CELSR3: variants seen among roughly 807,000 people sequenced by gnomAD.
The protein encoded by CELSR3 is cadherin EGF LAG seven-pass G-type receptor 3.
A neutral mutation model predicts 270.0 loss-of-function variants in CELSR3; 73 were observed. The observed-to-expected ratio is 0.27, with a 90% confidence interval of 0.22 to 0.33. The LOEUF (loss-of-function observed/expected upper bound fraction) is 0.33, where lower values mean the gene tolerates loss of function less well. Ranked by LOEUF, CELSR3 falls within the 10% of genes least tolerant of loss-of-function variation. The pLI, the probability that CELSR3 is intolerant of heterozygous loss-of-function variation, is 1.00. For missense variants in CELSR3, 3,614 were observed against 4,533.8 expected (o/e 0.80, Z 5.83); for synonymous variants, 1,780 against 1,905.4 (o/e 0.93, Z 1.71).
chr3:48,659,577 G>A lies in CELSR3; in HGVS notation c.3058C>T (p.Arg1020Cys), dbSNP rs369332360. The stretch of plus-strand genomic sequence containing the variant: ...TCCCGGTCTAGCCGCCTTACTGTAC[G>A]GACAATTCCAGAGGTGGGCTCAATG... ...FTIEPTSGIV[R>C]TVRRLDREAV... is the part of the protein sequence containing the mutation. The change falls in exon 1 of 35, where the codon CGT (arginine) becomes TGT (cysteine). Residue 1020 changes from arginine (R) to cysteine (C), a missense_variant. This residue lies in a region of CELSR3 where 1,331 missense variants were observed against 1,933.7 expected (regional missense o/e 0.69). Transcript: ENST00000164024. This position sits in a 1 kb window ranked among gnomAD's most constrained non-coding sequence, Gnocchi z 8.1. 6.2e-6 allele frequency: 10 copies of A among 1,614,026 alleles called. No homozygotes were observed. Among genetic ancestry groups the A allele is most frequent in the Admixed American group, 3.3e-5 (2 of 60,010 alleles).
In CELSR3 at chr3:48,654,543, G is replaced by GGACCCAT; in HGVS notation, c.4989-92_4989-91insATGGGTC. On this transcript the variant is annotated intron_variant, in intron 6 of 34. Transcript: ENST00000164024. The surrounding 1 kb of genome is among the most constrained non-coding windows in gnomAD (Gnocchi z 5.4). The stretch of plus-strand genomic sequence containing the variant: ...ACAGGAAGCAGGGGGGTAGGACCCA[G>GGACCCAT]AGGGTAGGGTGATTGAGGGAGGAAA... The GGACCCAT allele has an allele frequency of 3.6e-6, 4 of 1,115,750 alleles. No individual in the cohort carries two copies. The South Asian group carries it at 4.7e-5, about 13-fold the overall frequency. The allele number at this position is 1,115,750 out of a possible 1,614,324, so 69.1% of individuals were successfully genotyped here. A position where few individuals can be genotyped will look rare whatever the true frequency, so the allele number is the denominator to read the frequency against.
Position 48,637,974 on chromosome 3 carries a change from A to G in CELSR3, c.*231T>C. On this transcript the variant is annotated 3_prime_UTR_variant, in exon 35 of 35. Coordinates refer to ENST00000164024, the MANE Select transcript of CELSR3 (RefSeq NM_001407.3). ...ATAACATAAGCATCTCTCTGGTTAC[A>G]AAGGTACAAAACGTATAAAAGTCTC... is the stretch of plus-strand genomic sequence containing the variant. The G allele has an allele frequency of 2.0e-6, 1 of 489,862 alleles. No homozygotes were observed. Among genetic ancestry groups the G allele is most frequent in the Non-Finnish European group, 3.7e-6 (1 of 270,524 alleles). 30.3% of individuals were successfully genotyped at this position (489,862 alleles called of 1,614,324 possible). A position where few individuals can be genotyped will look rare whatever the true frequency, so the allele number is the denominator to read the frequency against.
In CELSR3 at chr3:48,640,115, G is replaced by T. The variant is rs776786576; in HGVS notation, c.9470C>A (p.Pro3157His). The T allele has an allele frequency of 6.2e-7, 1 of 1,611,824 alleles. No homozygotes were observed. Among genetic ancestry groups the T allele is most frequent in the Non-Finnish European group, 8.5e-7 (1 of 1,179,868 alleles). The change falls in exon 34 of 35, where the codon CCT becomes CAT. Residue 3157 changes from proline (P) to histidine (H), a missense_variant. By Grantham distance (77) the Pro-to-His change is moderately conservative. This residue lies in a region of CELSR3 where 1,240 missense variants were observed against 1,351.7 expected (regional missense o/e 0.92). Transcript: ENST00000164024. This position sits in a 1 kb window ranked among gnomAD's most constrained non-coding sequence, Gnocchi z 7.5. ...GAPREWLSTL[P>H]PPRRTRDLDP... The stretch of plus-strand genomic sequence containing the variant: ...AAGGTCCCGGGTGCGGCGGGGCGGA[G>T]GCAGCGTGCTCAACCACTCTCGAGG...
Position 48,654,582 on chromosome 3 carries a change from G to A in CELSR3, c.4989-130C>T. 1.3e-6 allele frequency: 1 copy of A among 766,514 alleles called. No individual in the cohort carries two copies. The highest frequency in any genetic ancestry group is 2.1e-6 in the Non-Finnish European group (1 of 479,214). The allele number at this position is 766,514 out of a possible 1,614,324, so 47.5% of individuals were successfully genotyped here. A position where few individuals can be genotyped will look rare whatever the true frequency, so the allele number is the denominator to read the frequency against. On this transcript the variant is annotated intron_variant, in intron 6 of 34. Transcript: ENST00000164024. The surrounding 1 kb of genome is among the most constrained non-coding windows in gnomAD (Gnocchi z 5.4). ...TGAGGGAGGAAAATAAGGCCGAGCT[G>A]TGGAAGGAGTTAGGATCTTACTTCA...
At position 48,662,584 on chromosome 3, in the gene CELSR3, G is replaced by A. The variant is rs773281304; in HGVS notation, c.51C>T (p.Pro17=). Residue 17 remains proline (P), a synonymous_variant, in exon 1 of 35, where the codon CCC becomes CCT. Transcript: ENST00000164024. The surrounding 1 kb of genome is among the most constrained non-coding windows in gnomAD (Gnocchi z 7.1). Reference sequence around the variant, plus strand: ...AAGAGAGGAGAAGGAGCAGGAGTATGGGGGTCGACCGTCCCCCGAGGCCCC... The same window carrying A: ...AAGAGAGGAGAAGGAGCAGGAGTATAGGGGTCGACCGTCCCCCGAGGCCCC... The part of the protein sequence containing the change: ...PWRGLGGRST[P]ILLLLLLSLF... 9 of 1,517,478 alleles carry A rather than the reference G, an allele frequency of 5.9e-6. No individual in the cohort carries two copies. The highest frequency in any genetic ancestry group is 8.0e-6 in the Non-Finnish European group (9 of 1,130,810). 94.0% of individuals were successfully genotyped at this position (1,517,478 alleles called of 1,614,324 possible). A position where few individuals can be genotyped will look rare whatever the true frequency, so the allele number is the denominator to read the frequency against.
At chr3:48,648,060 C>T in intron 19 of CELSR3, 64 bp from the exon 20 acceptor site, 1 of 1,576,754 alleles carries the variant, frequency 6.3e-7, no homozygotes, top group Non-Finnish European at 8.7e-7. Context: ...GGGTTCTACT[C>T]CCTCTTACTC....
Position 48,657,329 on chromosome 3 carries a change from C to T in CELSR3, c.3768G>A (p.Thr1256=), listed in dbSNP as rs1042864168. The change falls in exon 2 of 35, where the codon ACG becomes ACA. Residue 1256 remains threonine, a synonymous_variant. Coordinates refer to ENST00000164024, the MANE Select transcript of CELSR3 (RefSeq NM_001407.3). This position sits in a 1 kb window ranked among gnomAD's most constrained non-coding sequence, Gnocchi z 5.4. The part of the protein sequence containing the change: ...VTVTDGLHSV[T]AQCVLRVVII... ...TGACCACGCGCAGCACACACTGCGC[C>T]GTCACGCTGTGCAGGCCATCTGCAG... is the stretch of plus-strand genomic sequence containing the variant. The T allele has an allele frequency of 1.2e-6, 2 of 1,602,722 alleles. No homozygotes were observed. Among genetic ancestry groups the T allele is most frequent in the Non-Finnish European group, 8.5e-7 (1 of 1,174,696 alleles).
rs760431521 is a variant in CELSR3, at chr3:48,641,345, G to C, written c.9004C>G (p.Arg3002Gly). ...LTSGDETSLGRAQRQRKGILK... is the reference protein window; with the variant it reads ...LTSGDETSLGGAQRQRKGILK... Reference sequence around the variant, plus strand: ...GTACCTTTCCTCTGGCGCTGGGCCCGGCCCAGAGAAGTCTCATCCCCACTG... The same window carrying C: ...GTACCTTTCCTCTGGCGCTGGGCCCCGCCCAGAGAAGTCTCATCCCCACTG... The change falls in exon 33 of 35, where the codon CGG becomes GGG. Residue 3002 changes from arginine to glycine, a missense_variant. Transcript: ENST00000164024. The surrounding 1 kb of genome is among the most constrained non-coding windows in gnomAD (Gnocchi z 4.8). The C allele has an allele frequency of 6.2e-7, 1 of 1,610,322 alleles. No homozygotes were observed. Among genetic ancestry groups the C allele is most frequent in the Non-Finnish European group, 8.5e-7 (1 of 1,178,058 alleles).
Position 48,640,763 on chromosome 3 carries a change from C to A in CELSR3, c.9026-204G>T. The stretch of plus-strand genomic sequence containing the variant: ...GTCAGAGTGGAAGGGCAGTCATCTT[C>A]CAGTTGTGGTCCCGGGGCAGGGGGA... On this transcript the variant is annotated intron_variant, in intron 33 of 34. Coordinates refer to ENST00000164024, the MANE Select transcript of CELSR3 (RefSeq NM_001407.3). The surrounding 1 kb of genome is among the most constrained non-coding windows in gnomAD (Gnocchi z 7.5). 1.8e-6 allele frequency: 1 copy of A among 553,234 alleles called. No homozygotes were observed. Among genetic ancestry groups the A allele is most frequent in the Middle Eastern group, 4.8e-4 (1 of 2,096 alleles). 34.3% of individuals were successfully genotyped at this position (553,234 alleles called of 1,614,324 possible).
Position 48,660,613 on chromosome 3 carries a change from C to T in CELSR3, c.2022G>A (p.Gln674=). The T allele has an allele frequency of 6.2e-7, 1 of 1,614,212 alleles. No homozygotes were observed. The highest frequency in any genetic ancestry group is 1.1e-5 in the South Asian group (1 of 91,090). Residue 674 remains glutamine, a synonymous_variant, in exon 1 of 35, where the codon CAG becomes CAA. Transcript: ENST00000164024. The surrounding 1 kb of genome is among the most constrained non-coding windows in gnomAD (Gnocchi z 5.5). ...APLGHSVIHI[Q]AVDADHGENA... ...TCTCCCCATGGTCTGCATCGACTGCCTGAATGTGGATGACTGAGTGACCCA... is the reference window on the plus strand; with the variant it reads ...TCTCCCCATGGTCTGCATCGACTGCTTGAATGTGGATGACTGAGTGACCCA...
Position 48,650,189 on chromosome 3 carries a change from G to A in CELSR3, c.6472+291C>T. 1 of 543,292 alleles carries A rather than the reference G, an allele frequency of 1.8e-6. No homozygotes were observed. The highest frequency in any genetic ancestry group is 3.5e-6 in the Non-Finnish European group (1 of 283,208). The allele number at this position is 543,292 out of a possible 1,614,324, so 33.7% of individuals were successfully genotyped here. A position where few individuals can be genotyped will look rare whatever the true frequency, so the allele number is the denominator to read the frequency against. ...GACTTTAGGCAGCAGGGAGGGGTCTGCAGGGACCTCAGGCAGCAGGAGGGG... is the reference window on the plus strand; with the variant it reads ...GACTTTAGGCAGCAGGGAGGGGTCTACAGGGACCTCAGGCAGCAGGAGGGG... On this transcript the variant is annotated intron_variant, in intron 16 of 34. Transcript: ENST00000164024. The surrounding 1 kb of genome is among the most constrained non-coding windows in gnomAD (Gnocchi z 5.1).
chr3:48,654,230 C>A lies in CELSR3; in HGVS notation c.5152+59G>T. 2 of 1,603,796 alleles carry A rather than the reference C, an allele frequency of 1.2e-6. No homozygotes were observed. The highest frequency in any genetic ancestry group is 1.7e-6 in the Non-Finnish European group (2 of 1,173,540). On this transcript the variant is annotated intron_variant, in intron 7 of 34. Coordinates refer to ENST00000164024, the MANE Select transcript of CELSR3 (RefSeq NM_001407.3). This position sits in a 1 kb window ranked among gnomAD's most constrained non-coding sequence, Gnocchi z 5.4. ...TTGAAGTCAGGTATGGAGTCCTCCA[C>A]TTCCTCCCTATGATGGGGACAGGGC...
Position 48,645,554 on chromosome 3 carries a change from C to T in CELSR3, c.7686G>A (p.Leu2562=), listed in dbSNP as rs1416410852. 6.2e-7 allele frequency: 1 copy of T among 1,612,592 alleles called. No homozygotes were observed. Among genetic ancestry groups the T allele is most frequent in the East Asian group, 2.2e-5 (1 of 44,902 alleles). Reference sequence around the variant, plus strand: ...CATTGGACTTGAGGCTGCGCAGGCTCAGCAGGATGGCTGCAGTCAGCACCA... The same window carrying T: ...CATTGGACTTGAGGCTGCGCAGGCTTAGCAGGATGGCTGCAGTCAGCACCA... ...AALVLTAAIL[L]SLRSLKSNVR... is the part of the protein sequence containing the mutation. Residue 2562 remains leucine, a synonymous_variant, in exon 24 of 35, where the codon CTG becomes CTA. Coordinates refer to ENST00000164024, the MANE Select transcript of CELSR3 (RefSeq NM_001407.3). The surrounding 1 kb of genome is among the most constrained non-coding windows in gnomAD (Gnocchi z 5.4).
Position 48,659,521 on chromosome 3 carries a change from G to A in CELSR3, c.3114C>T (p.Tyr1038=), listed in dbSNP as rs778090405. 5.0e-5 allele frequency: 81 copies of A among 1,614,200 alleles called. No homozygotes were observed. The Middle Eastern group carries it at 8.2e-4, about 16-fold the overall frequency. Residue 1038 remains tyrosine, a synonymous_variant, in exon 1 of 35, where the codon TAC becomes TAT. Coordinates refer to ENST00000164024, the MANE Select transcript of CELSR3 (RefSeq NM_001407.3). This position sits in a 1 kb window ranked among gnomAD's most constrained non-coding sequence, Gnocchi z 8.1. ...GTGGGGGCACACCTCTGTCCACTGC[G>A]TAGGCAGTCAACTCATACACTGATA... The part of the protein sequence containing the change: ...EAVSVYELTA[Y]AVDRGVPPLR...
chr3:48,641,918 C>T lies in CELSR3; in HGVS notation c.8757G>A (p.Thr2919=), dbSNP rs1482135471. 4.4e-6 allele frequency: 7 copies of T among 1,597,632 alleles called. No homozygotes were observed. The highest frequency in any genetic ancestry group is 2.3e-5 in the East Asian group (1 of 43,950). The change falls in exon 32 of 35, where the codon ACG becomes ACA. Residue 2919 remains threonine (T), a synonymous_variant. Coordinates refer to ENST00000164024, the MANE Select transcript of CELSR3 (RefSeq NM_001407.3). This position sits in a 1 kb window ranked among gnomAD's most constrained non-coding sequence, Gnocchi z 4.8. ...AGAGTGGCCGTTGGAAGCGCCCCCG[C>T]GTCCGGCCATTGTCCTCGCTTTCTG... The part of the protein sequence containing the change: ...PSSESEDNGR[T]RGRFQRPLCR...
In CELSR3 at chr3:48,638,247, G is replaced by C. The variant is rs1390214105; in HGVS notation, c.9912-15C>G. ...TTCTGGGAACTCTGGAGGCACATGA[G>C]GAAATCAGAGGTTGATGCCCAGAGG... On this transcript the variant is annotated splice_polypyrimidine_tract_variant and intron_variant, in intron 34 of 34. Transcript: ENST00000164024. 6.2e-7 allele frequency: 1 copy of C among 1,609,790 alleles called. No homozygotes were observed. The highest frequency in any genetic ancestry group is 8.5e-7 in the Non-Finnish European group (1 of 1,176,448).
chr3:48,657,290 C>G lies in CELSR3; in HGVS notation c.3807G>C (p.Glu1269Asp). 6.2e-7 allele frequency: 1 copy of G among 1,611,198 alleles called. No homozygotes were observed. The highest frequency in any genetic ancestry group is 8.5e-7 in the Non-Finnish European group (1 of 1,178,932). ...GCACGGTCAGGCTGTTGGCCAGCAA[C>G]TCCTCCGTGATGATGACCACGCGCA... ...CVLRVVIITE[E>D]LLANSLTVRL... Residue 1269 changes from glutamate to aspartate, a missense_variant, in exon 2 of 35, where the codon GAG becomes GAC. Physicochemically the swap from Glu to Asp is conservative, Grantham distance 45. Transcript: ENST00000164024. This position sits in a 1 kb window ranked among gnomAD's most constrained non-coding sequence, Gnocchi z 5.4.
At chr3:48,643,984 G>T in intron 27 of CELSR3, 1 of 586,440 alleles carries the variant, frequency 1.7e-6, no homozygotes, top group South Asian at 2.2e-5. Flanking sequence ...GGCCATGGGA[G>T]ACTCTGGGGG....
At position 48,641,524 on chromosome 3, in the gene CELSR3, T is replaced by A. The variant is rs1337979481; in HGVS notation, c.8825A>T (p.Asp2942Val). The A allele has an allele frequency of 2.5e-6, 4 of 1,608,210 alleles. No homozygotes were observed. Among genetic ancestry groups the A allele is most frequent in the Non-Finnish European group, 3.4e-6 (4 of 1,176,350 alleles). Reference sequence around the variant, plus strand: ...GGACAGGAGGTCATTGCCATCCACATCTGTGGAGCCAGGTCAGGTTACAGG... The same window carrying A: ...GGACAGGAGGTCATTGCCATCCACAACTGTGGAGCCAGGTCAGGTTACAGG... ...QSERLLTHPK[D>V]VDGNDLLSYW... The change falls in exon 33 of 35, where the codon GAT becomes GTT. Residue 2942 changes from aspartate (D) to valine (V), a missense_variant and splice_region_variant. Asp to Val is a radical substitution (Grantham distance 152). This residue lies in a region of CELSR3 where 1,240 missense variants were observed against 1,351.7 expected (regional missense o/e 0.92). Coordinates refer to ENST00000164024, the MANE Select transcript of CELSR3 (RefSeq NM_001407.3). The surrounding 1 kb of genome is among the most constrained non-coding windows in gnomAD (Gnocchi z 4.8).
Sources: allele counts gnomAD v4.1 joint callset, GRCh38; gene constraint gnomAD v4.1.1; regional missense constraint gnomAD v4.1.1; non-coding constraint Gnocchi (gnomAD v3.1); transcripts MANE v1.5; gene names NCBI Gene and HGNC (gene_info 2026-07-23, HGNC 2026-07-21).